The following GIGYF2 variants were observed in gnomAD, a reference collection of about 807,000 sequenced individuals.
GIGYF2 encodes the protein GRB10-interacting GYF protein 2.
A neutral mutation model predicts 208.1 loss-of-function variants in GIGYF2; 25 were observed. The ratio of observed to expected loss-of-function variants is 0.12; its 90% CI spans 0.09 to 0.17. The LOEUF is 0.17. Among genes scored for constraint, GIGYF2 ranks in the 10% least tolerant of loss-of-function variants. The pLI, the probability that GIGYF2 is intolerant of heterozygous loss-of-function variation, is 1.00. For missense variants in GIGYF2, 1,302 were observed against 1,579.4 expected (o/e 0.82, Z 2.98); for synonymous variants, 534 against 543.8 (o/e 0.98, Z 0.25).
At chr2:232,825,536 TTGAA>T (rs1206692926) in intron 21 of GIGYF2, among the ~76,000 whole-genome samples, 1 of 152,070 alleles carries the variant, frequency 6.6e-6, no homozygotes, top group Non-Finnish European at 1.5e-5. Flanking sequence ...ATGGTAAAGT[TTGAA>T]TGTGTCAGCA....
intron 14 of GIGYF2, among the ~76,000 whole-genome samples, chr2:232,801,133 G>T (rs997064119): frequency 2.0e-5 from 3 of 152,170 alleles, no homozygotes; most frequent in African/African-American, 7.2e-5. Flanking sequence ...GCCGTAAGTG[G>T]TACTCCCTGT....
At chr2:232,772,314 A>G (rs959988263) in intron 8 of GIGYF2, among the ~76,000 whole-genome samples, 4 of 152,274 alleles carry the variant, frequency 2.6e-5, no homozygotes, top group Non-Finnish European at 2.9e-5. Flanking sequence ...ATCTCTTTGC[A>G]TATTCTAGGC....
intron 14 of GIGYF2, among the ~76,000 whole-genome samples, chr2:232,803,435 T>G (rs1031314147): frequency 1.3e-5 from 2 of 151,888 alleles, no homozygotes; most frequent in African/African-American, 2.4e-5. Context: ...GTTTTTTTTG[T>G]GTGTGTGTGG....
chr2:232,746,278 A>G (rs10933407), intron 3 of GIGYF2, among the ~76,000 whole-genome samples: 24,929 of 151,914 alleles, frequency 0.16, 2,607 homozygotes, highest in Non-Finnish European at 0.22. Flanking sequence ...TTTACTATGC[A>G]TACGCTATTT....
At chr2:232,819,410 T>C (rs1038292804) in intron 20 of GIGYF2, among the ~76,000 whole-genome samples, 1 of 152,164 alleles carries the variant, frequency 6.6e-6, no homozygotes, top group African/African-American at 2.4e-5. Context: ...GGAGAACTTA[T>C]CTTACCCCAA....
intron 9 of GIGYF2, chr2:232,788,622 T>C (rs1460600890): frequency 2.1e-6 from 1 of 468,312 alleles, no homozygotes; most frequent in South Asian, 1.6e-5. Flanking sequence ...CTGTGTTTTT[T>C]GAGCCCAAAT....
At chr2:232,735,122 C>A in intron 2 of GIGYF2, 33 bp from the exon 3 acceptor site, 1 of 953,834 alleles carries the variant, frequency 1.0e-6, no homozygotes, top group Admixed American at 1.8e-5. Flanking sequence ...TTAATCTCAA[C>A]TAATAGTATG....
At chr2:232,831,700 G>A (rs931699633) in intron 21 of GIGYF2, among the ~76,000 whole-genome samples, 1 of 152,204 alleles carries the variant, frequency 6.6e-6, no homozygotes, top group Non-Finnish European at 1.5e-5. Context: ...TACGGCCTTT[G>A]CATACTCCTC....
rs772316285 is a variant in GIGYF2 at position 232,811,246 on chromosome 2, AACAATATGC to A, written c.1905_1913del (p.Tyr636_Gln638del). ...ACTTTTTTTTTTACTTTTTGAAGACAACAATATGCACAGGTTTTGGCCCAACAGCAGAAA... is the reference window on the plus strand; with the variant it reads ...ACTTTTTTTTTTACTTTTTGAAGACAACAGGTTTTGGCCCAACAGCAGAAA... On this transcript the variant is annotated inframe_deletion, in exon 17 of 29. Transcript: ENST00000373563. The A allele has an allele frequency of 6.3e-7, 1 of 1,580,878 alleles. No individual in the cohort carries two copies. Among genetic ancestry groups the A allele is most frequent in the Admixed American group, 1.7e-5 (1 of 59,980 alleles).
Position 232,839,837 on chromosome 2 carries a change from C to CT in GIGYF2, c.2767-6dup, listed in dbSNP as rs777109147. On this transcript the variant is annotated splice_polypyrimidine_tract_variant and intron_variant, in intron 22 of 28. Transcript: ENST00000373563. ...TTCCTCATGAACTTTCTGGCCTTCC[C>CT]TTTTTTGTTAGCTTCCTTCTTCTTC... is the stretch of plus-strand genomic sequence containing the variant. 3 of 1,613,912 alleles carry CT rather than the reference C, an allele frequency of 1.9e-6. No homozygotes were observed. Among genetic ancestry groups the CT allele is most frequent in the South Asian group, 2.2e-5 (2 of 91,070 alleles).
intron 5 of GIGYF2, among the ~76,000 whole-genome samples, chr2:232,751,767 A>G (rs1251829092): frequency 6.6e-6 from 1 of 152,208 alleles, no homozygotes; most frequent in African/African-American, 2.4e-5. Flanking sequence ...ACCCAGAAAC[A>G]TCTTGTAACA....
At chr2:232,811,204 G>A (rs1180204022) in intron 16 of GIGYF2, 40 bp from the exon 17 acceptor site, 2 of 1,072,396 alleles carry the variant, frequency 1.9e-6, no homozygotes, top group Non-Finnish European at 2.9e-6. Context: ...TGAACTAAGT[G>A]TGGATTGACA....
chr2:232,747,486 A>C (rs1195086181), intron 3 of GIGYF2, 129 bp from the exon 4 acceptor site: 1 of 983,104 alleles, frequency 1.0e-6, no homozygotes, highest in Non-Finnish European at 1.6e-6. Context: ...CTAAAGTCTG[A>C]TACTTTGAGA....
chr2:232,760,132 A>C (rs1316322613), intron 6 of GIGYF2: 1 of 167,336 alleles, frequency 6.0e-6, no homozygotes, highest in East Asian at 1.6e-4. Context: ...TTATGAAAAT[A>C]AAACAATAAA....
chr2:232,712,259 A>C (rs1195867203), intron 2 of GIGYF2, among the ~76,000 whole-genome samples: 1 of 152,226 alleles, frequency 6.6e-6, no homozygotes, highest in African/African-American at 2.4e-5. Flanking sequence ...TCCGTGAAAA[A>C]AAGCAGCTAG....
Position 232,815,729 on chromosome 2 carries a change from G to A in GIGYF2, c.2200G>A (p.Ala734Thr). 1.3e-6 allele frequency: 2 copies of A among 1,560,002 alleles called. No individual in the cohort carries two copies. The highest frequency in any genetic ancestry group is 2.7e-5 in the African/African-American group (2 of 73,964). ...GCTTCAGCAGCTAGAGAAGGCCAAA[G>A]CTGCAAAGGTCTGAAACTCATTCTT... Reference protein sequence around the residue: ...EQLQQLEKAKAAKLEQERREA... With the variant: ...EQLQQLEKAKTAKLEQERREA... Residue 734 changes from alanine to threonine, a missense_variant, in exon 19 of 29, where the codon GCT becomes ACT. Ala to Thr is a moderately conservative substitution (Grantham distance 58). This residue lies in a region of GIGYF2 where 701 missense variants were observed against 793.0 expected (regional missense o/e 0.88). Coordinates refer to ENST00000373563, the MANE Select transcript of GIGYF2 (RefSeq NM_001103146.3).
At chr2:232,717,496 T>C (rs1386577833) in intron 2 of GIGYF2, among the ~76,000 whole-genome samples, 1 of 152,206 alleles carries the variant, frequency 6.6e-6, no homozygotes, top group Admixed American at 6.5e-5. Context: ...TTTAGTAGTC[T>C]CCTCTTCCCA....
rs2106334923 is a variant in GIGYF2, at chr2:232,768,495, T to C, written c.532+7059T>C. ...AACTAATTCAAAGTGAGAAGGATTT[T>C]CATGCTGGAGCAGAGTAGCCAGAGG... is the stretch of plus-strand genomic sequence containing the variant. On this transcript the variant is annotated intron_variant, in intron 8 of 28. Transcript: ENST00000373563. 1.2e-6 allele frequency: 2 copies of C among 1,614,200 alleles called. No individual in the cohort carries two copies. The highest frequency in any genetic ancestry group is 1.7e-6 in the Non-Finnish European group (2 of 1,180,024).
chr2:232,760,458 T>C (rs1302326162), intron 6 of GIGYF2, 22 bp from the exon 7 acceptor site: 1 of 1,490,822 alleles, frequency 6.7e-7, no homozygotes, highest in Non-Finnish European at 9.4e-7. Context: ...ACTATCATTT[T>C]TTTCTGTTTT....
Sources: allele counts gnomAD v4.1 joint callset (sites outside exome capture counted in the v4.1 genomes callset), GRCh38; gene constraint gnomAD v4.1.1; regional missense constraint gnomAD v4.1.1; transcripts MANE v1.5; gene names NCBI Gene and HGNC (gene_info 2026-07-23, HGNC 2026-07-21).